Variants in NAA30 observed in about 807,000 individuals in gnomAD.
NAA30 encodes the protein N-alpha-acetyltransferase 30, NatC catalytic subunit.
NAA30 carries 5 observed loss-of-function variants against 31.4 expected under a neutral mutation model. The ratio of observed to expected loss-of-function variants is 0.16; its 90% CI spans 0.08 to 0.33. The LOEUF is 0.33. Ranked by LOEUF, NAA30 falls within the 10% of genes least tolerant of loss-of-function variation. The pLI is 1.00. For synonymous variants in NAA30, 222 were observed against 207.1 expected (o/e 1.07, Z -0.62); for missense variants, 428 against 490.8 (o/e 0.87, Z 1.21).
chr14:57,397,644 G>T (rs919772650), intron 3 of NAA30, among the ~76,000 whole-genome samples: 24 of 152,146 alleles, frequency 1.6e-4, no homozygotes, highest in African/African-American at 5.8e-4. Flanking sequence ...AGGCCACCAG[G>T]TGCCGGGTGC....
rs773099325 is a variant in NAA30, at chr14:57,391,166, C to T, written c.209C>T (p.Pro70Leu). Residue 70 changes from proline (P) to leucine (L), a missense_variant, in exon 2 of 5, where the codon CCG (proline) becomes CTG (leucine). Coordinates refer to ENST00000556492, the MANE Select transcript of NAA30 (RefSeq NM_001011713.3). The surrounding 1 kb of genome is among the most constrained non-coding windows in gnomAD (Gnocchi z 4.1). ...ESATVAAKGH[P>L]CLRCPQPPQE... Reference sequence around the variant, plus strand: ...GCGACGGTGGCGGCCAAGGGGCATCCGTGCCTCCGCTGCCCTCAGCCGCCG... The same window carrying T: ...GCGACGGTGGCGGCCAAGGGGCATCTGTGCCTCCGCTGCCCTCAGCCGCCG... 7 of 1,607,540 alleles carry T rather than the reference C, an allele frequency of 4.4e-6. No individual in the cohort carries two copies. The highest frequency in any genetic ancestry group is 5.9e-6 in the Non-Finnish European group (7 of 1,178,530).
intron 4 of NAA30, among the ~76,000 whole-genome samples, chr14:57,408,031 A>G (rs745766390): frequency 1.6e-4 from 24 of 152,190 alleles, no homozygotes; most frequent in Non-Finnish European, 1.5e-4. Flanking sequence ...TTACTGAGAT[A>G]TGGAATTGAG....
intron 4 of NAA30, among the ~76,000 whole-genome samples, chr14:57,407,191 AT>A (rs2066501600): frequency 6.6e-6 from 1 of 152,160 alleles, no homozygotes; most frequent in Admixed American, 6.5e-5. Flanking sequence ...ACCTGGCCAA[AT>A]TGTGTTTTTT....
chr14:57,405,837 T>G (rs1218711448), intron 4 of NAA30, among the ~76,000 whole-genome samples: 1 of 152,194 alleles, frequency 6.6e-6, no homozygotes, highest in South Asian at 2.1e-4. Context: ...TATTAAAAAA[T>G]ACTATCTTAA....
rs2066540122 is a variant in NAA30, at chr14:57,414,805, A to G, written c.*5289A>G. Reference sequence around the variant, plus strand: ...CAAAGACAGTGCCAGGCTTGGTACAACCTGTTAACACTGTTGAGGAAAGAG... The same window carrying G: ...CAAAGACAGTGCCAGGCTTGGTACAGCCTGTTAACACTGTTGAGGAAAGAG... On this transcript the variant is annotated 3_prime_UTR_variant, in exon 5 of 5. Transcript: ENST00000556492. The G allele has an allele frequency of 6.6e-6, 1 of 152,228 alleles. No homozygotes were observed. The highest frequency in any genetic ancestry group is 2.4e-5 in the African/African-American group (1 of 41,462). 9.4% of individuals were successfully genotyped at this position (152,228 alleles called of 1,614,324 possible).
rs1395982047 is a variant in NAA30 at position 57,391,092 on chromosome 14, C to T, written c.135C>T (p.Asp45=). The T allele has an allele frequency of 6.4e-7, 1 of 1,559,470 alleles. No individual in the cohort carries two copies. The highest frequency in any genetic ancestry group is 8.7e-7 in the Non-Finnish European group (1 of 1,155,978). ...GCTGCAGCGAGGACGAGGAGGACGACGAAGAGCACGAAGGCGGCGGCAGCA... is the reference window on the plus strand; with the variant it reads ...GCTGCAGCGAGGACGAGGAGGACGATGAAGAGCACGAAGGCGGCGGCAGCA... ...LACCSEDEED[D]EEHEGGGSRS... is the part of the protein sequence containing the mutation. Residue 45 remains aspartate (D), a synonymous_variant, in exon 2 of 5, where the codon GAC becomes GAT. Coordinates refer to ENST00000556492, the MANE Select transcript of NAA30 (RefSeq NM_001011713.3). This position sits in a 1 kb window ranked among gnomAD's most constrained non-coding sequence, Gnocchi z 4.1.
Position 57,412,300 on chromosome 14 carries a change from A to G in NAA30, c.*2784A>G, listed in dbSNP as rs1441378781. The G allele has an allele frequency of 2.0e-5, 3 of 152,170 alleles. No homozygotes were observed. Among genetic ancestry groups the G allele is most frequent in the African/African-American group, 4.8e-5 (2 of 41,446 alleles). 9.4% of individuals were successfully genotyped at this position (152,170 alleles called of 1,614,324 possible). A position where few individuals can be genotyped will look rare whatever the true frequency, so the allele number is the denominator to read the frequency against. On this transcript the variant is annotated 3_prime_UTR_variant, in exon 5 of 5. Coordinates refer to ENST00000556492, the MANE Select transcript of NAA30 (RefSeq NM_001011713.3). ...CCCTTCCCACTTGCTCGACAAATCT[A>G]TGTAAAGCAGTTTGTTTTTTCATGT...
chr14:57,397,964 C>T (rs931171157), intron 3 of NAA30, among the ~76,000 whole-genome samples: 4 of 152,132 alleles, frequency 2.6e-5, no homozygotes, highest in African/African-American at 9.7e-5. Flanking sequence ...TCTTTGTTCA[C>T]AGTGGAGAAT....
In NAA30 at chr14:57,411,513, G is replaced by A. The variant is rs2066522312; in HGVS notation, c.*1997G>A. 1 of 152,120 alleles carries A rather than the reference G, an allele frequency of 6.6e-6. No individual in the cohort carries two copies. The highest frequency in any genetic ancestry group is 6.5e-5 in the Admixed American group (1 of 15,286). 9.4% of individuals were successfully genotyped at this position (152,120 alleles called of 1,614,324 possible). On this transcript the variant is annotated 3_prime_UTR_variant, in exon 5 of 5. Coordinates refer to ENST00000556492, the MANE Select transcript of NAA30 (RefSeq NM_001011713.3). ...CATATATTTGCTTAAATCACTAATA[G>A]GGATGGTTGTAAAGTAGATAGATCA...
rs1412007326 is a variant in NAA30 at position 57,391,491 on chromosome 14, G to A, written c.534G>A (p.Glu178=). ...GLAEGTEQEE[E]EEDEQVRLLS... is the part of the protein sequence containing the mutation. ...CCGAGGGCACCGAGCAGGAGGAGGA[G>A]GAGGAAGACGAGCAGGTGCGGCTGC... The change falls in exon 2 of 5, where the codon GAG becomes GAA. Residue 178 remains glutamate, a synonymous_variant. Coordinates refer to ENST00000556492, the MANE Select transcript of NAA30 (RefSeq NM_001011713.3). The surrounding 1 kb of genome is among the most constrained non-coding windows in gnomAD (Gnocchi z 4.1). 3 of 1,613,394 alleles carry A rather than the reference G, an allele frequency of 1.9e-6. No individual in the cohort carries two copies. In the Admixed American group the frequency reaches 5.0e-5, roughly 27 times the overall value.
Position 57,391,214 on chromosome 14 carries a change from G to T in NAA30, c.257G>T (p.Gly86Val). Residue 86 changes from glycine to valine, a missense_variant, in exon 2 of 5, where the codon GGA becomes GTA. Gly to Val is a moderately radical substitution (Grantham distance 109). Transcript: ENST00000556492. This position sits in a 1 kb window ranked among gnomAD's most constrained non-coding sequence, Gnocchi z 4.1. The stretch of plus-strand genomic sequence containing the variant: ...CCGCAGGAGCAGCAGCAGCTCAACG[G>T]ATTGATTAGCCCCGAACTGCGGCAC... The part of the protein sequence containing the change: ...QPPQEQQQLN[G>V]LISPELRHLR... The T allele has an allele frequency of 1.2e-6, 2 of 1,612,102 alleles. No homozygotes were observed. Among genetic ancestry groups the T allele is most frequent in the Non-Finnish European group, 1.7e-6 (2 of 1,179,872 alleles).
At chr14:57,408,550 C>G (rs1490143123) in intron 4 of NAA30, among the ~76,000 whole-genome samples, 1 of 152,144 alleles carries the variant, frequency 6.6e-6, no homozygotes. Flanking sequence ...CATCATCTAG[C>G]AATTTAAAAA....
At chr14:57,402,521 T>G (rs1176044460) in intron 4 of NAA30, among the ~76,000 whole-genome samples, 1 of 152,228 alleles carries the variant, frequency 6.6e-6, no homozygotes, top group African/African-American at 2.4e-5. Flanking sequence ...TATTAACTTG[T>G]CTTTCTCTCT....
chr14:57,408,384 G>A (rs1021793072), intron 4 of NAA30, among the ~76,000 whole-genome samples: 7 of 152,108 alleles, frequency 4.6e-5, no homozygotes, highest in Non-Finnish European at 1.0e-4. Flanking sequence ...AAATAAAATC[G>A]CAGTTTTCAA....
chr14:57,413,660 T>A lies in NAA30; in HGVS notation c.*4144T>A, dbSNP rs1436287703. The A allele has an allele frequency of 6.6e-6, 1 of 151,414 alleles. No individual in the cohort carries two copies. Among genetic ancestry groups the A allele is most frequent in the Non-Finnish European group, 1.5e-5 (1 of 67,858 alleles). The allele number at this position is 151,414 out of a possible 1,614,324, so 9.4% of individuals were successfully genotyped here. Reference sequence around the variant, plus strand: ...GTGCATGCCACCACGCCCAGCCAATTTCTTGTATTCTTAGTATGAGACAGG... The same window carrying A: ...GTGCATGCCACCACGCCCAGCCAATATCTTGTATTCTTAGTATGAGACAGG... On this transcript the variant is annotated 3_prime_UTR_variant, in exon 5 of 5. Transcript: ENST00000556492.
rs3742580 is a variant in NAA30 at position 57,410,475 on chromosome 14, C to T, written c.*959C>T. On this transcript the variant is annotated 3_prime_UTR_variant, in exon 5 of 5. Coordinates refer to ENST00000556492, the MANE Select transcript of NAA30 (RefSeq NM_001011713.3). Reference sequence around the variant, plus strand: ...TTTTATTTAATCAAAATTACTGCTACGCTGCGAAGAACAGCTTTTACAAAG... The same window carrying T: ...TTTTATTTAATCAAAATTACTGCTATGCTGCGAAGAACAGCTTTTACAAAG... 3,876 of 152,632 alleles carry T rather than the reference C, an allele frequency of 0.025. 85 individuals are homozygous for T. The highest frequency in any genetic ancestry group is 0.11 in the East Asian group (587 of 5,180). The allele number at this position is 152,632 out of a possible 1,614,324, so 9.5% of individuals were successfully genotyped here. A position where few individuals can be genotyped will look rare whatever the true frequency, so the allele number is the denominator to read the frequency against.
At position 57,409,698 on chromosome 14, in the gene NAA30, A is replaced by G. The variant is rs2066515199; in HGVS notation, c.*182A>G. ...TGGCATGGCACATTTGTTCTGAATTAAAAGATTGTTTTAAACTTCAGGAGT... is the reference window on the plus strand; with the variant it reads ...TGGCATGGCACATTTGTTCTGAATTGAAAGATTGTTTTAAACTTCAGGAGT... On this transcript the variant is annotated 3_prime_UTR_variant, in exon 5 of 5. Transcript: ENST00000556492. 1 of 505,056 alleles carries G rather than the reference A, an allele frequency of 2.0e-6. No homozygotes were observed. Among genetic ancestry groups the G allele is most frequent in the South Asian group, 6.4e-5 (1 of 15,570 alleles). 31.3% of individuals were successfully genotyped at this position (505,056 alleles called of 1,614,324 possible).
chr14:57,408,032 T>C (rs544004372), intron 4 of NAA30, among the ~76,000 whole-genome samples: 41 of 152,156 alleles, frequency 2.7e-4, no homozygotes, highest in Non-Finnish European at 5.1e-4. Flanking sequence ...TACTGAGATA[T>C]GGAATTGAGG....
intron 2 of NAA30, among the ~76,000 whole-genome samples, chr14:57,395,163 G>C (rs1452611922): frequency 6.6e-6 from 1 of 152,082 alleles, no homozygotes; most frequent in African/African-American, 2.4e-5. Flanking sequence ...GAGGTTTATT[G>C]ACCCAAAATA....
Sources: gnomAD v4.1 joint callset for allele counts (sites outside exome capture counted in the v4.1 genomes callset) on GRCh38, gnomAD v4.1.1 for gene constraint, Gnocchi (gnomAD v3.1) non-coding constraint, MANE v1.5 for transcripts, NCBI Gene and HGNC (gene_info 2026-07-23, HGNC 2026-07-21) for gene names.